GTF3C2: variants seen among roughly 807,000 people sequenced by gnomAD.
The protein encoded by GTF3C2 is general transcription factor 3C polypeptide 2.
A neutral mutation model predicts 117.4 loss-of-function variants in GTF3C2; 17 were observed. That is an observed-to-expected ratio of 0.14 (90% CI 0.10 to 0.22). The LOEUF (loss-of-function observed/expected upper bound fraction) is 0.22. Among genes scored for constraint, GTF3C2 ranks in the 10% least tolerant of loss-of-function variants. GTF3C2 has a pLI of 1.00. For missense variants in GTF3C2, 888 were observed against 1,143.6 expected (o/e 0.78, Z 3.22); for synonymous variants, 437 against 427.0 (o/e 1.02, Z -0.29).
At chr2:27,338,363 C>A in intron 4 of GTF3C2, 2 of 283,802 alleles carry the variant, frequency 7.0e-6, no homozygotes, top group East Asian at 8.7e-5. Flanking sequence ...TATTCCTTCA[C>A]AGGTTCTCCC....
intron 1 of GTF3C2, among the ~76,000 whole-genome samples, chr2:27,349,755 C>A (rs1216262109): frequency 6.6e-6 from 1 of 152,064 alleles, no homozygotes; most frequent in African/African-American, 2.4e-5. Flanking sequence ...TCTCCTGCCT[C>A]AGCCTCCCGA....
intron 7 of GTF3C2, 182 bp from the exon 8 acceptor site, chr2:27,336,607 A>T: frequency 5.2e-6 from 3 of 573,220 alleles, no homozygotes; most frequent in Non-Finnish European, 6.3e-6. Flanking sequence ...TCCTTCCCAA[A>T]GTCTGTCTTA....
intron 1 of GTF3C2, among the ~76,000 whole-genome samples, chr2:27,352,275 CTT>C (rs1313554693): frequency 6.6e-6 from 1 of 152,208 alleles, no homozygotes; most frequent in Non-Finnish European, 1.5e-5. Flanking sequence ...GGCAATCCCA[CTT>C]TCTCTCTAGT....
intron 12 of GTF3C2, among the ~76,000 whole-genome samples, chr2:27,332,728 T>C (rs1178942664): frequency 1.3e-5 from 2 of 151,630 alleles, no homozygotes; most frequent in African/African-American, 4.9e-5. Context: ...AATTTTATTA[T>C]TTTTTTGAGA....
chr2:27,342,401 A>C (rs1216253894), intron 3 of GTF3C2, 168 bp from the exon 4 acceptor site: 1 of 615,598 alleles, frequency 1.6e-6, no homozygotes, highest in East Asian at 2.8e-5. Context: ...CAGAAATCTA[A>C]GTTATGTGAC....
chr2:27,343,214 T>C (rs1680798124), intron 2 of GTF3C2, 67 bp from the exon 3 acceptor site: 21 of 1,512,912 alleles, frequency 1.4e-5, no homozygotes, highest in Non-Finnish European at 1.4e-5. Flanking sequence ...AAGATTACAC[T>C]GTACCCAGGT....
Position 27,337,760 on chromosome 2 carries a change from A to C in GTF3C2, c.950+166T>G. 3 of 698,672 alleles carry C rather than the reference A, an allele frequency of 4.3e-6. No homozygotes were observed. The Admixed American group carries it at 6.6e-5, about 15-fold the overall frequency. The allele number at this position is 698,672 out of a possible 1,614,324, so 43.3% of individuals were successfully genotyped here. On this transcript the variant is annotated intron_variant, in intron 5 of 18. Transcript: ENST00000264720. ...CTTTCATTTTATTTCACTTTAATTAAAGAGTTCTAGAGCTCTTGCCTCTAG... is the reference window on the plus strand; with the variant it reads ...CTTTCATTTTATTTCACTTTAATTACAGAGTTCTAGAGCTCTTGCCTCTAG...
At chr2:27,349,360 G>A (rs1409903915) in intron 1 of GTF3C2, among the ~76,000 whole-genome samples, 1 of 148,788 alleles carries the variant, frequency 6.7e-6, no homozygotes, top group Non-Finnish European at 1.5e-5. Context: ...TGTTAGCCAG[G>A]ATGGTCTCGA....
At chr2:27,346,278 T>A (rs1047936756) in intron 1 of GTF3C2, among the ~76,000 whole-genome samples, 2 of 147,236 alleles carry the variant, frequency 1.4e-5, no homozygotes, top group African/African-American at 5.0e-5. Context: ...TCCACCTCGG[T>A]CTCCCAAAAT....
intron 1 of GTF3C2, chr2:27,350,508 T>C: frequency 1.0e-6 from 1 of 985,622 alleles, no homozygotes; most frequent in Non-Finnish European, 1.2e-6. Context: ...GGCTCAAGAA[T>C]CATGTGCTGG....
chr2:27,355,251 G>A (rs1681292579), intron 1 of GTF3C2, among the ~76,000 whole-genome samples: 1 of 152,102 alleles, frequency 6.6e-6, no homozygotes, highest in Non-Finnish European at 1.5e-5. Flanking sequence ...GGCCGGGCAC[G>A]GTGGCTCACG....
chr2:27,335,693 G>C (rs1680440242), exon 10 of GTF3C2: 6 of 1,559,234 alleles, frequency 3.8e-6, no homozygotes, highest in Non-Finnish European at 5.2e-6. Flanking sequence ...ACCCAACCGG[G>C]GCAGGAGAGG....
intron 1 of GTF3C2, among the ~76,000 whole-genome samples, chr2:27,346,844 A>G (rs1680933990): frequency 6.6e-6 from 1 of 151,890 alleles, no homozygotes; most frequent in African/African-American, 2.4e-5. Context: ...TCAAATGTGC[A>G]CCAATACGCC....
intron 1 of GTF3C2, chr2:27,356,195 G>C: frequency 1.2e-6 from 1 of 846,748 alleles, no homozygotes; most frequent in Non-Finnish European, 1.7e-6. Context: ...GACTAGACAG[G>C]GAAACACAAC....
In GTF3C2 at chr2:27,337,476, C is replaced by T; in HGVS notation, c.1028+5G>A. ...CTAAGCTACAGAGATGTTGCTTCAA[C>T]TTACAGCTCAGATAACAAGTGCCAC... On this transcript the variant is annotated splice_donor_5th_base_variant and intron_variant, in intron 6 of 18. Coordinates refer to ENST00000264720, the Ensembl canonical transcript of GTF3C2. 6.2e-7 allele frequency: 1 copy of T among 1,601,490 alleles called. No individual in the cohort carries two copies. The highest frequency in any genetic ancestry group is 8.6e-7 in the Non-Finnish European group (1 of 1,168,370).
intron 1 of GTF3C2, among the ~76,000 whole-genome samples, chr2:27,351,906 T>G (rs925291875): frequency 2.6e-5 from 4 of 152,044 alleles, no homozygotes; most frequent in African/African-American, 9.7e-5. Context: ...GTTCCTTTGA[T>G]GCTTAGAACA....
At position 27,348,804 on chromosome 2, in the gene GTF3C2, A is replaced by AT. The variant is rs1246114918; in HGVS notation, c.-24-5227dup. Among the ~76,000 whole-genome samples, 7 of 152,320 alleles carry AT rather than the reference A, an allele frequency of 4.6e-5. No homozygotes were observed. The East Asian group carries it at 9.6e-4, about 21-fold the overall frequency. ...GCAAGATGCTATCTCAAAAGAAAAA[A>AT]TAATAAAGATTTGGTTTGATTTTAA... is the stretch of plus-strand genomic sequence containing the variant. On this transcript the variant is annotated intron_variant, in intron 1 of 18. Transcript: ENST00000264720.
intron 10 of GTF3C2, among the ~76,000 whole-genome samples, chr2:27,334,794 C>T (rs1429634869): frequency 6.6e-6 from 1 of 152,050 alleles, no homozygotes; most frequent in East Asian, 1.9e-4. Flanking sequence ...AGGCATGCAC[C>T]ACTATGTTCG....
exon 4 of GTF3C2, chr2:27,342,038 T>G: frequency 6.2e-7 from 1 of 1,614,160 alleles, no homozygotes; most frequent in South Asian, 1.1e-5. Context: ...CTTCCACATC[T>G]TCAGCCTCAA....
Sources: gnomAD v4.1 joint callset for allele counts (sites outside exome capture counted in the v4.1 genomes callset) on GRCh38, gnomAD v4.1.1 for gene constraint, MANE v1.5 for transcripts, NCBI Gene and HGNC (gene_info 2026-07-23, HGNC 2026-07-21) for gene names.